Variants in ZNF43 observed in about 807,000 individuals in gnomAD.
ZNF43 encodes the protein zinc finger protein 43.
In ZNF43, 44 loss-of-function variants were observed where a neutral mutation model predicts 68.4. The observed-to-expected ratio is 0.64, with a 90% CI of 0.51 to 0.83. ZNF43 has a LOEUF of 0.83. Ranked by LOEUF, ZNF43 falls within the 40% of genes least tolerant of loss-of-function variation. ZNF43 has a pLI of 0.00. For missense variants in ZNF43, 896 were observed against 933.2 expected (o/e 0.96, Z 0.52); for synonymous variants, 308 against 307.8 (o/e 1.00, Z -0.01).
At chr19:21,847,808 G>A (rs1177447214) in intron 1 of ZNF43, among the ~76,000 whole-genome samples, 1 of 152,032 alleles carries the variant, frequency 6.6e-6, no homozygotes, top group Admixed American at 6.6e-5. Context: ...CCTGGGTATT[G>A]GACCCAACAA....
In ZNF43 at chr19:21,819,197, C is replaced by T. The variant is rs976470506; in HGVS notation, c.28G>A (p.Ala10Thr). The T allele has an allele frequency of 6.2e-7, 1 of 1,603,232 alleles. No individual in the cohort carries two copies. The highest frequency in any genetic ancestry group is 1.1e-5 in the South Asian group (1 of 89,142). The change falls in exon 2 of 4, where the codon GCC (alanine) becomes ACC (threonine). Residue 10 changes from alanine to threonine, a missense_variant. Transcript: ENST00000354959. MGPLTFMDV[A>T]IEFCLEEWQC... is the part of the protein sequence containing the mutation. ...CACTCCTCCAGACAGAATTCTATGG[C>T]CACATCCATAAATGTCAATGGTCCC...
Position 21,804,953 on chromosome 19 carries a change from A to G in ZNF43, c.*2654T>C, listed in dbSNP as rs2036868872. ...GAAAAATATATACCAATGTTTATTCATGACTCAGGAATGTATGGACTTTAT... is the reference window on the plus strand; with the variant it reads ...GAAAAATATATACCAATGTTTATTCGTGACTCAGGAATGTATGGACTTTAT... On this transcript the variant is annotated 3_prime_UTR_variant, in exon 4 of 4. Transcript: ENST00000354959. 2.0e-5 allele frequency: 3 copies of G among 152,308 alleles called. No homozygotes were observed. Among genetic ancestry groups the G allele is most frequent in the East Asian group, 3.9e-4 (2 of 5,184 alleles). 9.4% of individuals were successfully genotyped at this position (152,308 alleles called of 1,614,324 possible). A position where few individuals can be genotyped will look rare whatever the true frequency, so the allele number is the denominator to read the frequency against.
intron 1 of ZNF43, among the ~76,000 whole-genome samples, chr19:21,844,921 AATATAT>A (rs1181354510): frequency 4.2e-4 from 11 of 26,050 alleles, no homozygotes; most frequent in African/African-American, 1.5e-3. Context: ...AAAAAAAAAA[AATATAT>A]ATATATATAT....
At chr19:21,818,236 G>A (rs2037626061) in intron 2 of ZNF43, among the ~76,000 whole-genome samples, 1 of 151,974 alleles carries the variant, frequency 6.6e-6, no homozygotes, top group Non-Finnish European at 1.5e-5. Context: ...CCAAGTAGTT[G>A]GGATTACAAG....
chr19:21,831,385 G>A (rs564495131), intron 1 of ZNF43, among the ~76,000 whole-genome samples: 2 of 151,086 alleles, frequency 1.3e-5, no homozygotes, highest in South Asian at 4.2e-4. Context: ...TTTTTGAGAC[G>A]GTGTCTTGCT....
chr19:21,816,510 C>G (rs1007774932), intron 3 of ZNF43, among the ~76,000 whole-genome samples: 1 of 152,186 alleles, frequency 6.6e-6, no homozygotes, highest in Non-Finnish European at 1.5e-5. Flanking sequence ...CTTGGTCCCA[C>G]AGAAAATTCT....
chr19:21,812,040 T>C (rs1226892347), intron 3 of ZNF43: 15 of 398,530 alleles, frequency 3.8e-5, no homozygotes, highest in South Asian at 2.5e-4. Context: ...AAACATTCAA[T>C]AGAGAGACAA....
intron 1 of ZNF43, chr19:21,826,891 A>G (rs1196962839): frequency 6.6e-6 from 1 of 152,490 alleles, no homozygotes; most frequent in Non-Finnish European, 1.5e-5. Flanking sequence ...GATAACTCCG[A>G]GAGTTTTCAT....
chr19:21,809,050 A>T lies in ZNF43; in HGVS notation c.987T>A (p.Leu329=). Residue 329 remains leucine, a synonymous_variant, in exon 4 of 4, where the codon CTT becomes CTA. Transcript: ENST00000354959. ...CAGTATGAATTCTCTTATGTTTAGT[A>T]AGAGTTGAGGGCCAGTTAAAGGCTT... The part of the protein sequence containing the change: ...CGKAFNWPST[L]TKHKRIHTGE... 6.2e-7 allele frequency: 1 copy of T among 1,608,332 alleles called. No individual in the cohort carries two copies. The highest frequency in any genetic ancestry group is 1.1e-5 in the South Asian group (1 of 90,788).
intron 1 of ZNF43, among the ~76,000 whole-genome samples, chr19:21,845,944 G>A (rs1967920959): frequency 6.6e-6 from 1 of 150,454 alleles, no homozygotes; most frequent in Non-Finnish European, 1.5e-5. Context: ...GTCCCATCAT[G>A]TAGGTGCTGG....
intron 1 of ZNF43, among the ~76,000 whole-genome samples, chr19:21,834,045 A>G (rs2244041): frequency 0.05 from 7,537 of 151,962 alleles, 404 homozygotes; most frequent in African/African-American, 0.14. Context: ...GGCGGGGGAA[A>G]AAAAAGAGTC....
At chr19:21,830,542 T>G (rs188708230) in intron 1 of ZNF43, among the ~76,000 whole-genome samples, 13 of 137,582 alleles carry the variant, frequency 9.4e-5, no homozygotes, top group Admixed American at 5.9e-4. Context: ...GACACGTACA[T>G]CCTCCAAAGA....
At chr19:21,834,815 G>A (rs1258811133) in intron 1 of ZNF43, among the ~76,000 whole-genome samples, 2 of 149,298 alleles carry the variant, frequency 1.3e-5, no homozygotes, top group Admixed American at 6.7e-5. Context: ...AAGGAAAGAA[G>A]AAAGGAAAAT....
At chr19:21,814,200 TCATA>T (rs771843694) in intron 3 of ZNF43, among the ~76,000 whole-genome samples, 28 of 152,052 alleles carry the variant, frequency 1.8e-4, no homozygotes, top group Non-Finnish European at 3.2e-4. Flanking sequence ...AGTGTTTCTC[TCATA>T]CAAAGAAAAT....
chr19:21,838,589 G>A (rs1240222903), upstream of ZNF43, among the ~76,000 whole-genome samples: 16 of 152,018 alleles, frequency 1.1e-4, no homozygotes, highest in Admixed American at 5.9e-4. Flanking sequence ...TAGTAGAGAC[G>A]GGGTTTCCCC....
At chr19:21,819,960 A>G (rs192840987) in intron 1 of ZNF43, among the ~76,000 whole-genome samples, 7,509 of 151,920 alleles carry the variant, frequency 0.049, 399 homozygotes, top group African/African-American at 0.14. Context: ...GCACTTTGGG[A>G]GGCTGAGGCA....
At chr19:21,824,466 A>C (rs930796565) in intron 1 of ZNF43, among the ~76,000 whole-genome samples, 1 of 152,174 alleles carries the variant, frequency 6.6e-6, no homozygotes, top group Non-Finnish European at 1.5e-5. Flanking sequence ...TGAAAAGTTC[A>C]AAAAGCCACA....
chr19:21,833,369 C>A (rs146565576), intron 1 of ZNF43, among the ~76,000 whole-genome samples: 1 of 152,016 alleles, frequency 6.6e-6, no homozygotes, highest in East Asian at 1.9e-4. Flanking sequence ...CAGGTTCAAG[C>A]GATTCTCCTG....
rs1406929659 is a variant in ZNF43 at position 21,807,112 on chromosome 19, T to G, written c.*495A>C. On this transcript the variant is annotated 3_prime_UTR_variant, in exon 4 of 4. Coordinates refer to ENST00000354959, the MANE Select transcript of ZNF43 (RefSeq NM_003423.4). ...AACTGTTTTTACAAATTTATTACAT[T>G]TTCCAGGGGTTTTTTCCAATATAAA... 6.6e-6 allele frequency: 1 copy of G among 152,234 alleles called. No individual in the cohort carries two copies. The allele number at this position is 152,234 out of a possible 1,614,324, so 9.4% of individuals were successfully genotyped here.
Sources: allele counts gnomAD v4.1 joint callset (sites outside exome capture counted in the v4.1 genomes callset), GRCh38; gene constraint gnomAD v4.1.1; transcripts MANE v1.5; gene names NCBI Gene and HGNC (gene_info 2026-07-23, HGNC 2026-07-21).